Variants in ATP8B3 observed in about 807,000 individuals in gnomAD.
The protein encoded by ATP8B3 is phospholipid-transporting ATPase IK.
Under a neutral mutation model 140.9 loss-of-function variants are expected in ATP8B3, and 141 were observed. The observed-to-expected ratio is 1.00, with a 90% confidence interval of 0.87 to 1.15. The LOEUF (loss-of-function observed/expected upper bound fraction) is 1.15. ATP8B3 is among the 50% of genes most tolerant of loss of function. The pLI is 0.00. For synonymous variants in ATP8B3, 765 were observed against 714.6 expected (o/e 1.07, Z -1.13); for missense variants, 1,874 against 1,740.6 (o/e 1.08, Z -1.36).
In ATP8B3 at chr19:1,800,533, G is replaced by C. The variant is rs2068814752; in HGVS notation, c.1153-84C>G. ...AGGATGGGGTAAACACAAAGATAAGGCTGGGGCTGGGCACAGTGGCTCATG... is the reference window on the plus strand; with the variant it reads ...AGGATGGGGTAAACACAAAGATAAGCCTGGGGCTGGGCACAGTGGCTCATG... On this transcript the variant is annotated intron_variant, in intron 12 of 28. Coordinates refer to ENST00000310127, the MANE Select transcript of ATP8B3 (RefSeq NM_138813.4). This position sits in a 1 kb window ranked among gnomAD's most constrained non-coding sequence, Gnocchi z 4.4. The C allele has an allele frequency of 7.9e-7, 1 of 1,264,188 alleles. No individual in the cohort carries two copies. The highest frequency in any genetic ancestry group is 1.5e-5 in the African/African-American group (1 of 66,888). 78.3% of individuals were successfully genotyped at this position (1,264,188 alleles called of 1,614,324 possible).
At chr19:1,793,625 A>G (rs1211082288) in intron 18 of ATP8B3, among the ~76,000 whole-genome samples, 1 of 152,190 alleles carries the variant, frequency 6.6e-6, no homozygotes, top group Non-Finnish European at 1.5e-5. Flanking sequence ...AGGCACCCCA[A>G]GGGTGGTCGG....
chr19:1,806,274 C>T lies in ATP8B3; in HGVS notation c.678-105G>A, dbSNP rs1568658215. On this transcript the variant is annotated intron_variant, in intron 7 of 28. Coordinates refer to ENST00000310127, the MANE Select transcript of ATP8B3 (RefSeq NM_138813.4). The surrounding 1 kb of genome is among the most constrained non-coding windows in gnomAD (Gnocchi z 5.6). ...ACGGGGGGCCCGCAGCTGCAGTCCC[C>T]ACCTCCGGGCCTTTGCCCCCTCAGG... 2 of 1,514,262 alleles carry T rather than the reference C, an allele frequency of 1.3e-6. No homozygotes were observed. The highest frequency in any genetic ancestry group is 1.3e-5 in the South Asian group (1 of 79,912). The allele number at this position is 1,514,262 out of a possible 1,614,324, so 93.8% of individuals were successfully genotyped here.
chr19:1,806,818 G>T lies in ATP8B3; in HGVS notation c.616-129C>A. 5 of 1,053,650 alleles carry T rather than the reference G, an allele frequency of 4.7e-6. No individual in the cohort carries two copies. In the Middle Eastern group the frequency reaches 7.3e-4, roughly 153 times the overall value. The allele number at this position is 1,053,650 out of a possible 1,614,324, so 65.3% of individuals were successfully genotyped here. A position where few individuals can be genotyped will look rare whatever the true frequency, so the allele number is the denominator to read the frequency against. ...TCCCTGTCCGCTGGCCCCACGCCAC[G>T]TTGCGTCTGCTCAGGGATCCCGGAC... On this transcript the variant is annotated intron_variant, in intron 6 of 28. Coordinates refer to ENST00000310127, the MANE Select transcript of ATP8B3 (RefSeq NM_138813.4). The surrounding 1 kb of genome is among the most constrained non-coding windows in gnomAD (Gnocchi z 5.6).
At position 1,796,893 on chromosome 19, in the gene ATP8B3, G is replaced by A. The variant is rs760681116; in HGVS notation, c.1585-14C>T. ...GTAGGGGTTCTCCTGGGGGTGGCGG[G>A]GGCACGGGCCGGCTGTGGGTGGGCC... On this transcript the variant is annotated splice_polypyrimidine_tract_variant and intron_variant, in intron 15 of 28. Transcript: ENST00000310127. 6.2e-6 allele frequency: 10 copies of A among 1,610,918 alleles called. No individual in the cohort carries two copies. The highest frequency in any genetic ancestry group is 1.1e-5 in the South Asian group (1 of 90,958).
At chr19:1,802,078 CCCACCCAT>C in intron 11 of ATP8B3, 34 bp from the exon 12 acceptor site, 1 of 1,345,978 alleles carries the variant, frequency 7.4e-7, no homozygotes, top group Non-Finnish European at 9.8e-7. Flanking sequence ...CACCCACCCA[CCCACCCAT>C]CCACCCCTCA....
intron 20 of ATP8B3, 82 bp downstream of exon 20, chr19:1,791,668 C>G: frequency 9.2e-7 from 1 of 1,084,714 alleles, no homozygotes; most frequent in Non-Finnish European, 1.4e-6. Flanking sequence ...GCTGGGATGA[C>G]AGGTGTGAGC....
At position 1,808,233 on chromosome 19, in the gene ATP8B3, T is replaced by C. The variant is rs769703279; in HGVS notation, c.505A>G (p.Ile169Val). 9.9e-6 allele frequency: 16 copies of C among 1,610,922 alleles called. No homozygotes were observed. The highest frequency in any genetic ancestry group is 1.7e-6 in the Non-Finnish European group (2 of 1,178,166). The change falls in exon 5 of 29, where the codon ATC (isoleucine) becomes GTC (valine). Residue 169 changes from isoleucine (I) to valine (V), a missense_variant. Around this residue, in one of 3 missense-constraint regions of ATP8B3, gnomAD observed 1,032 missense variants for 963.6 expected, o/e 1.07. Transcript: ENST00000310127. Reference sequence around the variant, plus strand: ...GCAACACGCCTCACCTGCAGGATGATGATGATGAGGAAGAACAGGTTGGAC... The same window carrying C: ...GCAACACGCCTCACCTGCAGGATGACGATGATGAGGAAGAACAGGTTGGAC... ...RVSNLFFLIIIILQSIPDIST... is the reference protein window; with the variant it reads ...RVSNLFFLIIVILQSIPDIST...
At chr19:1,795,670 G>T (rs1035624969) in intron 18 of ATP8B3, among the ~76,000 whole-genome samples, 3 of 151,948 alleles carry the variant, frequency 2.0e-5, no homozygotes, top group Non-Finnish European at 4.4e-5. Flanking sequence ...GTTGCCGGGG[G>T]AGGGTGTTTT....
At chr19:1,790,044 C>T (rs2068443895) in intron 21 of ATP8B3, 55 bp from the exon 22 acceptor site, 4 of 1,385,718 alleles carry the variant, frequency 2.9e-6, no homozygotes, top group Non-Finnish European at 2.0e-6. Flanking sequence ...CTCCCCACTT[C>T]CCCGGGGGCT....
intron 18 of ATP8B3, among the ~76,000 whole-genome samples, chr19:1,793,895 A>T (rs1436408276): frequency 6.6e-6 from 1 of 151,974 alleles, no homozygotes; most frequent in East Asian, 1.9e-4. Context: ...GGCCTGCACC[A>T]CCACATCTGG....
chr19:1,789,822 G>A lies in ATP8B3; in HGVS notation c.2478+68C>T, dbSNP rs1332831455. On this transcript the variant is annotated intron_variant, in intron 22 of 28. Transcript: ENST00000310127. ...CGGCCTCGCCAGCAGTCCCCACCCC[G>A]AGCCCGCCGCCCCTCCAGGCCCCTC... The A allele has an allele frequency of 5.1e-6, 8 of 1,579,516 alleles. No homozygotes were observed. The Admixed American group carries it at 1.1e-4, about 21-fold the overall frequency.
chr19:1,795,825 AC>A, intron 18 of ATP8B3, 49 bp downstream of exon 18: 3 of 1,277,914 alleles, frequency 2.3e-6, no homozygotes, highest in African/African-American at 3.0e-5. Context: ...ACACACACAC[AC>A]ACACACACAC....
At chr19:1,804,840 T>C (rs1445303118) in intron 10 of ATP8B3, among the ~76,000 whole-genome samples, 24 of 152,196 alleles carry the variant, frequency 1.6e-4, no homozygotes, top group Admixed American at 1.6e-3. Context: ...CAGCCAAGCA[T>C]TGGAGGTGTC....
At position 1,805,318 on chromosome 19, in the gene ATP8B3, T is replaced by C. The variant is rs114052935; in HGVS notation, c.904+56A>G. On this transcript the variant is annotated intron_variant, in intron 10 of 28. Coordinates refer to ENST00000310127, the MANE Select transcript of ATP8B3 (RefSeq NM_138813.4). This position sits in a 1 kb window ranked among gnomAD's most constrained non-coding sequence, Gnocchi z 5.2. ...CAGTAATAACAACAACAAAATACCC[T>C]AACTTTTAACTTTTACAGATTCGAG... 2,077 of 1,474,860 alleles carry C rather than the reference T, an allele frequency of 1.4e-3. 30 individuals are homozygous for C. In the African/African-American group the frequency reaches 0.024, roughly 17 times the overall value. 91.4% of individuals were successfully genotyped at this position (1,474,860 alleles called of 1,614,324 possible).
intron 25 of ATP8B3, among the ~76,000 whole-genome samples, 155 bp downstream of exon 25, chr19:1,786,948 G>A (rs2068324714): frequency 1.3e-5 from 2 of 152,164 alleles, no homozygotes; most frequent in Non-Finnish European, 2.9e-5. Flanking sequence ...AAGGTCAATG[G>A]CAGTGGGCAG....
At chr19:1,792,597 T>A (rs867712095) in intron 18 of ATP8B3, among the ~76,000 whole-genome samples, 5,804 of 90,780 alleles carry the variant, frequency 0.064, 254 homozygotes, top group African/African-American at 0.15. Context: ...AAAAAAAAAA[T>A]AGAAAAAACA....
chr19:1,805,604 A>G lies in ATP8B3; in HGVS notation c.822-148T>C. On this transcript the variant is annotated intron_variant, in intron 9 of 28. Coordinates refer to ENST00000310127, the MANE Select transcript of ATP8B3 (RefSeq NM_138813.4). This position sits in a 1 kb window ranked among gnomAD's most constrained non-coding sequence, Gnocchi z 5.2. ...TCAGATGGCTGAGGCCCAGAGAGGG[A>G]GAAGGCCTTGCCCAAGGCCACACAG... 1 of 820,906 alleles carries G rather than the reference A, an allele frequency of 1.2e-6. No homozygotes were observed. The highest frequency in any genetic ancestry group is 1.6e-5 in the South Asian group (1 of 61,956). 50.9% of individuals were successfully genotyped at this position (820,906 alleles called of 1,614,324 possible).
intron 10 of ATP8B3, among the ~76,000 whole-genome samples, chr19:1,803,337 T>C (rs2068911413): frequency 6.6e-6 from 1 of 152,102 alleles, no homozygotes; most frequent in African/African-American, 2.4e-5. Flanking sequence ...GTCTTAGGGA[T>C]GGGGACCCTG....
rs2069022725 is a variant in ATP8B3, at chr19:1,806,434, T to C, written c.677+194A>G. 2.1e-6 allele frequency: 3 copies of C among 1,448,036 alleles called. No homozygotes were observed. In the South Asian group the frequency reaches 4.4e-5, roughly 21 times the overall value. 89.7% of individuals were successfully genotyped at this position (1,448,036 alleles called of 1,614,324 possible). ...GCCCGAGCCCTAAGCTCTGCAAGGG[T>C]TCGCCATCAGGGCCTCGGCCTCTGT... On this transcript the variant is annotated intron_variant, in intron 7 of 28. Transcript: ENST00000310127. The surrounding 1 kb of genome is among the most constrained non-coding windows in gnomAD (Gnocchi z 5.6).
Sources: allele counts gnomAD v4.1 joint callset (sites outside exome capture counted in the v4.1 genomes callset), GRCh38; gene constraint gnomAD v4.1.1; regional missense constraint gnomAD v4.1.1; non-coding constraint Gnocchi (gnomAD v3.1); transcripts MANE v1.5; gene names NCBI Gene and HGNC (gene_info 2026-07-23, HGNC 2026-07-21).